The following AGO4 variants were observed in gnomAD, a reference collection of about 807,000 sequenced individuals.
AGO4 encodes the protein argonaute RISC component 4.
AGO4 carries 33 observed loss-of-function variants against 104.7 expected under a neutral mutation model. The observed-to-expected ratio is 0.32, with a 90% CI of 0.24 to 0.42. AGO4 has a LOEUF of 0.42. Ranked by LOEUF, AGO4 falls within the 10% of genes least tolerant of loss-of-function variation. The pLI is 1.00. For missense variants in AGO4, 711 were observed against 1,083.4 expected (o/e 0.66, Z 4.83); for synonymous variants, 331 against 364.7 (o/e 0.91, Z 1.05).
At chr1:35,849,748 T>C (rs1267017631) in intron 15 of AGO4, among the ~76,000 whole-genome samples, 2 of 152,074 alleles carry the variant, frequency 1.3e-5, no homozygotes, top group Non-Finnish European at 2.9e-5. Context: ...TAAAGATTCC[T>C]TAATCTTTTA....
At chr1:35,816,263 A>G (rs979946361) in intron 1 of AGO4, among the ~76,000 whole-genome samples, 1 of 152,202 alleles carries the variant, frequency 6.6e-6, no homozygotes, top group Non-Finnish European at 1.5e-5. Flanking sequence ...TTGTAAGTCT[A>G]GCTATAGAGC....
upstream of AGO4, among the ~76,000 whole-genome samples, chr1:35,807,892 G>A (rs553709517): frequency 6.6e-5 from 10 of 152,038 alleles, no homozygotes; most frequent in Admixed American, 3.9e-4. Context: ...GCCCTGGGGG[G>A]ATGGCACGTA....
intron 1 of AGO4, among the ~76,000 whole-genome samples, chr1:35,815,822 T>C (rs1643674678): frequency 6.6e-6 from 1 of 152,160 alleles, no homozygotes. Context: ...CAACCAAAAA[T>C]GTGTCCATAT....
At chr1:35,829,750 G>A (rs1036619715) in intron 7 of AGO4, among the ~76,000 whole-genome samples, 3 of 149,136 alleles carry the variant, frequency 2.0e-5, no homozygotes, top group Admixed American at 6.8e-5. Context: ...TCGGGAGGCT[G>A]AGGCAGGAGA....
chr1:35,828,077 G>C (rs956305038), intron 7 of AGO4, among the ~76,000 whole-genome samples: 2 of 151,502 alleles, frequency 1.3e-5, no homozygotes, highest in Admixed American at 6.6e-5. Flanking sequence ...TGGCTCAAAA[G>C]GTCTATTAAG....
At position 35,853,513 on chromosome 1, in the gene AGO4, G is replaced by A; in HGVS notation, c.2494G>A (p.Val832Met). The change falls in exon 18 of 18, where the codon GTG (valine) becomes ATG (methionine). Residue 832 changes from valine to methionine, a missense_variant. Val to Met is a conservative substitution (Grantham distance 21). This residue lies in a region of AGO4 where 401 missense variants were observed against 665.5 expected (regional missense o/e 0.60). Transcript: ENST00000373210. ...KDHDSAEGSH[V>M]SGQSNGRDPQ... ...TCTTTACAGTGCGGAAGGCAGTCAT[G>A]TGTCAGGACAGAGCAACGGCCGGGA... 1 of 1,612,884 alleles carries A rather than the reference G, an allele frequency of 6.2e-7. No homozygotes were observed. The highest frequency in any genetic ancestry group is 8.5e-7 in the Non-Finnish European group (1 of 1,179,430).
rs114791118 is a variant in AGO4, at chr1:35,837,871, A to G, written c.1724+1878A>G. On this transcript the variant is annotated intron_variant, in intron 13 of 17. Coordinates refer to ENST00000373210, the MANE Select transcript of AGO4 (RefSeq NM_017629.4). ...CTGTGCTTTGCCTTTTCACTCTCCT[A>G]AATTGTGGGTTTTCTGTTTTTTTCT... Among the ~76,000 whole-genome samples the G allele has an allele frequency of 3.8e-3, 579 of 151,602 alleles. 3 individuals are homozygous for G. The highest frequency in any genetic ancestry group is 0.013 in the African/African-American group (556 of 41,294).
intron 11 of AGO4, among the ~76,000 whole-genome samples, chr1:35,833,410 A>G (rs1644232954): frequency 6.6e-6 from 1 of 152,256 alleles, no homozygotes; most frequent in Admixed American, 6.5e-5. Context: ...AGCTTTATAC[A>G]TAGATTGAAG....
At position 35,841,414 on chromosome 1, in the gene AGO4, C is replaced by T; in HGVS notation, c.1974C>T (p.Ser658=). The T allele has an allele frequency of 6.2e-7, 1 of 1,614,186 alleles. No homozygotes were observed. Among genetic ancestry groups the T allele is most frequent in the Non-Finnish European group, 8.5e-7 (1 of 1,180,038 alleles). ...AGCTGCTGATTCAGTTCTACAAATC[C>T]ACACGCTTCAAACCCACTCGGATCA... ...VRELLIQFYK[S]TRFKPTRIIY... The change falls in exon 14 of 18, where the codon TCC becomes TCT. Residue 658 remains serine, a synonymous_variant. Coordinates refer to ENST00000373210, the MANE Select transcript of AGO4 (RefSeq NM_017629.4). The surrounding 1 kb of genome is among the most constrained non-coding windows in gnomAD (Gnocchi z 4.7).
At position 35,808,838 on chromosome 1, in the gene AGO4, G is replaced by A. The variant is rs1300891542; in HGVS notation, c.19+403G>A. 3.9e-5 allele frequency among the ~76,000 whole-genome samples: 6 copies of A among 152,222 alleles called. No individual in the cohort carries two copies. Among genetic ancestry groups the A allele is most frequent in the Non-Finnish European group, 7.3e-5 (5 of 68,042 alleles). ...AGGGCCCCGCTGCCTACTACCAGCCGGTAGTCCTGGTTTGGGGCCGCGCCC... is the reference window on the plus strand; with the variant it reads ...AGGGCCCCGCTGCCTACTACCAGCCAGTAGTCCTGGTTTGGGGCCGCGCCC... On this transcript the variant is annotated intron_variant, in intron 1 of 17. Coordinates refer to ENST00000373210, the MANE Select transcript of AGO4 (RefSeq NM_017629.4). The surrounding 1 kb of genome is among the most constrained non-coding windows in gnomAD (Gnocchi z 5.2).
At chr1:35,823,675 C>G (rs1643938075) in intron 3 of AGO4, among the ~76,000 whole-genome samples, 1 of 151,752 alleles carries the variant, frequency 6.6e-6, no homozygotes, top group Non-Finnish European at 1.5e-5. Context: ...AGGTGATCCA[C>G]CCGCCTCAGC....
At chr1:35,813,775 A>AGAAGAG (rs1470094794) in intron 1 of AGO4, among the ~76,000 whole-genome samples, 4 of 151,482 alleles carry the variant, frequency 2.6e-5, no homozygotes, top group Non-Finnish European at 4.4e-5. Flanking sequence ...AAGAAGAAGA[A>AGAAGAG]GAAGAGGAAG....
chr1:35,849,680 C>G (rs1644655123), intron 15 of AGO4, among the ~76,000 whole-genome samples: 1 of 137,336 alleles, frequency 7.3e-6, no homozygotes, highest in African/African-American at 2.7e-5. Context: ...GAGTGAGACG[C>G]TGTCTCAAAA....
intron 7 of AGO4, among the ~76,000 whole-genome samples, chr1:35,829,841 A>G (rs1230856949): frequency 5.2e-5 from 1 of 19,314 alleles, no homozygotes; most frequent in African/African-American, 8.0e-5. Context: ...ACTACATCTT[A>G]AAAAAAAAAA....
intron 1 of AGO4, 66 bp from the exon 2 acceptor site, chr1:35,816,816 A>AG (rs369277688): frequency 0.12 from 133,892 of 1,123,310 alleles, 142 homozygotes; most frequent in Non-Finnish European, 0.14. Context: ...AAAAAAAAAA[A>AG]AAAAAGAAAG....
rs920288876 is a variant in AGO4, at chr1:35,834,070, C to T, written c.1460C>T (p.Ala487Val). The T allele has an allele frequency of 2.5e-6, 4 of 1,611,418 alleles. No homozygotes were observed. The highest frequency in any genetic ancestry group is 2.7e-5 in the African/African-American group (2 of 74,818). The change falls in exon 12 of 18, where the codon GCA becomes GTA. Residue 487 changes from alanine (A) to valine (V), a missense_variant. Physicochemically the swap from Ala to Val is moderately conservative, Grantham distance 64 (BLOSUM62 0). Around this residue, in one of 3 missense-constraint regions of AGO4, gnomAD observed 401 missense variants for 665.5 expected, o/e 0.60. Transcript: ENST00000373210. ...IQGQPCFCKY[A>V]QGADSVEPMF... is the part of the protein sequence containing the mutation. ...GGTCAGCCATGTTTCTGCAAGTATGCACAAGGTGCAGACAGTGTGGAGCCT... is the reference window on the plus strand; with the variant it reads ...GGTCAGCCATGTTTCTGCAAGTATGTACAAGGTGCAGACAGTGTGGAGCCT...
rs779246545 is a variant in AGO4, at chr1:35,841,204, G to C, written c.1764G>C (p.Ala588=). 6.2e-7 allele frequency: 1 copy of C among 1,612,718 alleles called. No homozygotes were observed. The highest frequency in any genetic ancestry group is 1.1e-5 in the South Asian group (1 of 91,054). ...AGCAGCCTGTCATCTTCCTGGGAGC[G>C]GATGTCACACACCCCCCAGCAGGGG... ...VFQQPVIFLG[A]DVTHPPAGDG... Residue 588 remains alanine (A), a synonymous_variant, in exon 14 of 18, where the codon GCG becomes GCC. Transcript: ENST00000373210. The surrounding 1 kb of genome is among the most constrained non-coding windows in gnomAD (Gnocchi z 4.7).
rs1644012525 is a variant in AGO4, at chr1:35,826,080, T to A, written c.760+20T>A. On this transcript the variant is annotated intron_variant, in intron 6 of 17. Transcript: ENST00000373210. ...TCAGAGGTAAGTGTTTGCATTAATGTAGTCTTGGAGAAGCAGCTCAGCATG... is the reference window on the plus strand; with the variant it reads ...TCAGAGGTAAGTGTTTGCATTAATGAAGTCTTGGAGAAGCAGCTCAGCATG... The A allele has an allele frequency of 6.2e-7, 1 of 1,612,754 alleles. No individual in the cohort carries two copies. The highest frequency in any genetic ancestry group is 1.1e-5 in the South Asian group (1 of 91,074).
chr1:35,855,225 G>A lies in AGO4; in HGVS notation c.*1620G>A, dbSNP rs1335446085. On this transcript the variant is annotated 3_prime_UTR_variant, in exon 18 of 18. Coordinates refer to ENST00000373210, the MANE Select transcript of AGO4 (RefSeq NM_017629.4). ...CTGGAGCCACACTCTATATGGCTGA[G>A]GAAGGAGCTAGGGAAAGAGATAGAC... 1 of 152,692 alleles carries A rather than the reference G, an allele frequency of 6.5e-6. No homozygotes were observed. The highest frequency in any genetic ancestry group is 1.5e-5 in the Non-Finnish European group (1 of 68,092). The allele number at this position is 152,692 out of a possible 1,614,324, so 9.5% of individuals were successfully genotyped here. A position where few individuals can be genotyped will look rare whatever the true frequency, so the allele number is the denominator to read the frequency against.
Sources: allele counts gnomAD v4.1 joint callset (sites outside exome capture counted in the v4.1 genomes callset), GRCh38; gene constraint gnomAD v4.1.1; regional missense constraint gnomAD v4.1.1; non-coding constraint Gnocchi (gnomAD v3.1); transcripts MANE v1.5; gene names NCBI Gene and HGNC (gene_info 2026-07-23, HGNC 2026-07-21).